The following PGPEP1L variants were observed in gnomAD, a reference collection of about 807,000 sequenced individuals.
The protein encoded by PGPEP1L is pyroglutamyl-peptidase I like.
In PGPEP1L, 7 loss-of-function variants were observed where a neutral mutation model predicts 6.0. The observed-to-expected ratio is 1.17, with a 90% CI of 0.66 to 2.19. The LOEUF (loss-of-function observed/expected upper bound fraction) is 2.19. PGPEP1L is among the 30% of genes most tolerant of loss of function. PGPEP1L has a pLI of 0.00. For synonymous variants in PGPEP1L, 103 were observed against 83.9 expected (o/e 1.23, Z -1.24); for missense variants, 209 against 192.5 (o/e 1.09, Z -0.51).
In PGPEP1L at chr15:98,986,372, T is replaced by C. The variant is rs59027914; in HGVS notation, c.-141-15214A>G. On this transcript the variant is annotated intron_variant, in intron 2 of 4. Coordinates refer to ENST00000535714, the MANE Select transcript of PGPEP1L (RefSeq NM_001167902.2). ...AAGATTGAGTTTAATCATATGACCATTGATGTAATCAGTCATGTCTACATA... is the reference window on the plus strand; with the variant it reads ...AAGATTGAGTTTAATCATATGACCACTGATGTAATCAGTCATGTCTACATA... 7.2e-3 allele frequency among the ~76,000 whole-genome samples: 1,094 copies of C among 152,310 alleles called. 17 individuals carry two copies. Among genetic ancestry groups the C allele is most frequent in the African/African-American group, 0.025 (1,048 of 41,550 alleles).
chr15:98,982,575 C>T (rs763110730), intron 2 of PGPEP1L, among the ~76,000 whole-genome samples: 21 of 152,094 alleles, frequency 1.4e-4, no homozygotes, highest in Non-Finnish European at 2.2e-4. Context: ...TCAGATAACC[C>T]ACTGAAGCGG....
chr15:98,993,317 A>G (rs1219865835), intron 2 of PGPEP1L, among the ~76,000 whole-genome samples: 2 of 152,216 alleles, frequency 1.3e-5, no homozygotes, highest in Admixed American at 6.5e-5. Context: ...TCAAAAGACG[A>G]CATTTATGTG....
chr15:98,979,308 G>A (rs907237660), intron 2 of PGPEP1L, among the ~76,000 whole-genome samples: 2 of 142,898 alleles, frequency 1.4e-5, no homozygotes, highest in Non-Finnish European at 3.0e-5. Context: ...AGATTCATCT[G>A]ATTTCAGGAT....
chr15:98,996,842 T>G (rs1469556241), intron 2 of PGPEP1L, among the ~76,000 whole-genome samples: 7 of 152,156 alleles, frequency 4.6e-5, no homozygotes, highest in African/African-American at 1.7e-4. Flanking sequence ...GAACCTTGAC[T>G]CATGGAATAG....
At chr15:98,986,592 G>C (rs1596520691) in intron 2 of PGPEP1L, among the ~76,000 whole-genome samples, 1 of 152,098 alleles carries the variant, frequency 6.6e-6, no homozygotes, top group Non-Finnish European at 1.5e-5. Context: ...TAGTTCTGAT[G>C]AATCATTGAA....
chr15:98,982,116 T>C lies in PGPEP1L; in HGVS notation c.-141-10958A>G, dbSNP rs149013685. Among the ~76,000 whole-genome samples the C allele has an allele frequency of 4.9e-4, 75 of 152,358 alleles. No homozygotes were observed. The East Asian group carries it at 8.9e-3, about 18-fold the overall frequency. On this transcript the variant is annotated intron_variant, in intron 2 of 4. Transcript: ENST00000535714. ...TTTCTCCAAATAAGCAGAAAAAATA[T>C]GTTTCCTTGAGCGTTTACTAGGAGC...
At chr15:98,986,556 T>A (rs2017749754) in intron 2 of PGPEP1L, among the ~76,000 whole-genome samples, 1 of 152,220 alleles carries the variant, frequency 6.6e-6, no homozygotes, top group African/African-American at 2.4e-5. Context: ...GCAATGTAAG[T>A]ATAGCACATT....
In PGPEP1L at chr15:98,979,630, ATTCTTTTTTTTT is replaced by A. The variant is rs1298622734; in HGVS notation, c.-141-8484_-141-8473del. 1.0e-4 allele frequency among the ~76,000 whole-genome samples: 11 copies of A among 105,924 alleles called. 1 individual carries two copies. The highest frequency in any genetic ancestry group is 4.2e-4 in the African/African-American group (11 of 26,310). The allele number at this position is 105,924 out of a possible 152,430, so 69.5% of individuals were successfully genotyped here. A position where few individuals can be genotyped will look rare whatever the true frequency, so the allele number is the denominator to read the frequency against. On this transcript the variant is annotated intron_variant, in intron 2 of 4. Transcript: ENST00000535714. ...AGCAACCTGGATGGGATTGGAGACT[ATTCTTTTTTTTT>A]TTTTTTTTTTTTTTTTTTTTTTTTT...
At chr15:98,988,876 C>CAG (rs1555471760) in intron 2 of PGPEP1L, among the ~76,000 whole-genome samples, 1 of 152,198 alleles carries the variant, frequency 6.6e-6, no homozygotes, top group Non-Finnish European at 1.5e-5. Context: ...AGCAGACCTG[C>CAG]AGTAGAGTGC....
chr15:99,003,792 AG>A (rs1246361532), intron 2 of PGPEP1L, among the ~76,000 whole-genome samples: 1 of 147,798 alleles, frequency 6.8e-6, no homozygotes, highest in East Asian at 1.9e-4. Context: ...AGACAAAGGC[AG>A]GGGTCAGTGT....
intron 2 of PGPEP1L, among the ~76,000 whole-genome samples, chr15:98,992,344 T>C (rs2017831256): frequency 6.6e-6 from 1 of 152,172 alleles, no homozygotes; most frequent in South Asian, 2.1e-4. Flanking sequence ...GAACTCCCAT[T>C]CACAATTGCT....
intron 2 of PGPEP1L, among the ~76,000 whole-genome samples, chr15:98,999,625 C>A (rs1241505736): frequency 6.6e-6 from 1 of 152,094 alleles, no homozygotes; most frequent in African/African-American, 2.4e-5. Flanking sequence ...TATACAAAAA[C>A]GTTCATAGAA....
chr15:99,004,515 C>G (rs1308496883), intron 2 of PGPEP1L, among the ~76,000 whole-genome samples: 5 of 152,072 alleles, frequency 3.3e-5, no homozygotes, highest in African/African-American at 7.2e-5. Context: ...GTCAAGAGAT[C>G]GAAACCATCC....
chr15:99,007,024 G>C (rs2018080198), intron 1 of PGPEP1L, among the ~76,000 whole-genome samples: 1 of 152,100 alleles, frequency 6.6e-6, no homozygotes, highest in African/African-American at 2.4e-5. Context: ...CTGATATAAA[G>C]CGCTCCCTTT....
intron 2 of PGPEP1L, among the ~76,000 whole-genome samples, chr15:98,975,280 T>C (rs1447503959): frequency 6.6e-6 from 1 of 152,112 alleles, no homozygotes; most frequent in African/African-American, 2.4e-5. Context: ...GTTGATGTCA[T>C]GGAGGTAGAG....
chr15:98,973,493 A>G (rs1207457252), intron 2 of PGPEP1L, among the ~76,000 whole-genome samples: 4 of 152,256 alleles, frequency 2.6e-5, no homozygotes, highest in African/African-American at 9.6e-5. Context: ...TGAAAAATTA[A>G]AATTATATCA....
At chr15:99,002,485 T>TACAC (rs112853612) in intron 2 of PGPEP1L, among the ~76,000 whole-genome samples, 1,739 of 151,862 alleles carry the variant, frequency 0.011, 39 homozygotes, top group African/African-American at 0.04. Flanking sequence ...TAGCTGAAAT[T>TACAC]ACACACACAC....
intron 2 of PGPEP1L, among the ~76,000 whole-genome samples, chr15:99,001,769 G>GTGATC (rs2017975232): frequency 6.6e-6 from 1 of 152,184 alleles, no homozygotes. Flanking sequence ...GTAGGCTGGA[G>GTGATC]TGCAGTGGTG....
chr15:99,006,506 G>C (rs1485749568), intron 1 of PGPEP1L, among the ~76,000 whole-genome samples: 2 of 152,214 alleles, frequency 1.3e-5, no homozygotes, highest in African/African-American at 4.8e-5. Context: ...CCAATATCTT[G>C]ATCTTTCGGA....
Sources: gnomAD v4.1 joint callset for allele counts (sites outside exome capture counted in the v4.1 genomes callset) on GRCh38, gnomAD v4.1.1 for gene constraint, MANE v1.5 for transcripts, NCBI Gene and HGNC (gene_info 2026-07-23, HGNC 2026-07-21) for gene names.